MDGA2: variants seen among roughly 807,000 people sequenced by gnomAD.
The protein encoded by MDGA2 is MAM domain-containing glycosylphosphatidylinositol anchor protein 2.
Under a neutral mutation model 117.8 loss-of-function variants are expected in MDGA2, and 40 were observed. That is an observed-to-expected ratio of 0.34 (90% CI 0.26 to 0.44). MDGA2 has a LOEUF of 0.44. Among genes scored for constraint, MDGA2 ranks in the 20% least tolerant of loss-of-function variants. The pLI is 1.00. For missense variants in MDGA2, 1,123 were observed against 1,250.6 expected, an observed-to-expected ratio of 0.90 and a Z score of 1.54; for synonymous variants, 452 against 439.0, an observed-to-expected ratio of 1.03 and a Z score of -0.37.
intron 11 of MDGA2, among the ~76,000 whole-genome samples, chr14:46,878,704 T>C (rs972307088): frequency 2.8e-4 from 43 of 152,156 alleles, no homozygotes; most frequent in Non-Finnish European, 4.4e-4. Context: ...AAAATAACAA[T>C]TTAATTTTTT....
At chr14:46,946,576 C>T (rs1366582597) in intron 9 of MDGA2, among the ~76,000 whole-genome samples, 1 of 151,982 alleles carries the variant, frequency 6.6e-6, no homozygotes, top group Admixed American at 6.6e-5. Flanking sequence ...AATAAATGGA[C>T]TGATGTTTGC....
chr14:47,542,409 TG>T (rs1260798411), intron 1 of MDGA2, among the ~76,000 whole-genome samples: 2 of 152,254 alleles, frequency 1.3e-5, no homozygotes, highest in African/African-American at 4.8e-5. Flanking sequence ...TGAAAAGATT[TG>T]TATTTAGACA....
At chr14:47,054,101 A>C (rs999168377) in intron 7 of MDGA2, among the ~76,000 whole-genome samples, 1 of 151,878 alleles carries the variant, frequency 6.6e-6, no homozygotes, top group Non-Finnish European at 1.5e-5. Context: ...TGTGAGTACT[A>C]CCCAGCACCT....
intron 2 of MDGA2, among the ~76,000 whole-genome samples, chr14:47,277,773 G>A (rs1888352731): frequency 6.6e-6 from 1 of 152,142 alleles, no homozygotes; most frequent in African/African-American, 2.4e-5. Flanking sequence ...AGGCTAAATT[G>A]TTCATGCATT....
intron 4 of MDGA2, among the ~76,000 whole-genome samples, chr14:47,136,364 T>C (rs1882457176): frequency 6.6e-6 from 1 of 151,824 alleles, no homozygotes; most frequent in Non-Finnish European, 1.5e-5. Flanking sequence ...ACTGGGATAA[T>C]TTTTATATTT....
At chr14:47,461,060 T>G (rs945623867) in intron 1 of MDGA2, among the ~76,000 whole-genome samples, 3 of 152,192 alleles carry the variant, frequency 2.0e-5, no homozygotes, top group African/African-American at 7.2e-5. Context: ...GAATAAATTT[T>G]GTACAAGTGT....
chr14:47,449,106 C>T (rs372422590), intron 1 of MDGA2, among the ~76,000 whole-genome samples: 2 of 152,110 alleles, frequency 1.3e-5, no homozygotes, highest in Admixed American at 6.6e-5. Context: ...ACAGCCAGGA[C>T]TCATTAAACT....
At chr14:46,968,810 C>T (rs904043183) in intron 8 of MDGA2, among the ~76,000 whole-genome samples, 1 of 148,064 alleles carries the variant, frequency 6.8e-6, no homozygotes, top group Non-Finnish European at 1.5e-5. Context: ...GCACTCCAGC[C>T]TAGGAAACAG....
intron 1 of MDGA2, among the ~76,000 whole-genome samples, chr14:47,663,860 G>GT (rs1319523159): frequency 6.6e-6 from 1 of 152,038 alleles, no homozygotes. Context: ...ATAAACTGCT[G>GT]TTTTCCAATT....
At position 47,612,205 on chromosome 14, in the gene MDGA2, T is replaced by C. The variant is rs182215152; in HGVS notation, c.280+62312A>G. Among the ~76,000 whole-genome samples the C allele has an allele frequency of 2.9e-3, 338 of 117,462 alleles. 2 individuals carry two copies. Among genetic ancestry groups the C allele is most frequent in the African/African-American group, 9.1e-3 (291 of 32,050 alleles). 77.1% of individuals were successfully genotyped at this position (117,462 alleles called of 152,430 possible). A position where few individuals can be genotyped will look rare whatever the true frequency, so the allele number is the denominator to read the frequency against. On this transcript the variant is annotated intron_variant, in intron 1 of 16. Transcript: ENST00000399232. ...ATTTCAAATGTGATAGATAGATAGA[T>C]AGACAGATAGATAGATAGATAGATA...
intron 1 of MDGA2, among the ~76,000 whole-genome samples, chr14:47,434,096 G>T (rs1286311106): frequency 1.3e-5 from 2 of 151,734 alleles, no homozygotes; most frequent in Admixed American, 6.6e-5. Context: ...TAAGACTTTT[G>T]GTGACAAAAA....
intron 2 of MDGA2, among the ~76,000 whole-genome samples, chr14:47,243,159 A>T (rs1251706256): frequency 6.6e-6 from 1 of 151,210 alleles, no homozygotes; most frequent in Non-Finnish European, 1.5e-5. Flanking sequence ...GGGTTTGTAA[A>T]TGCACCAATC....
intron 10 of MDGA2, among the ~76,000 whole-genome samples, chr14:46,914,737 T>C (rs1228334061): frequency 1.3e-5 from 2 of 152,094 alleles, no homozygotes; most frequent in Non-Finnish European, 2.9e-5. Flanking sequence ...AGAATCGAAT[T>C]TGTTTTCAGA....
intron 8 of MDGA2, among the ~76,000 whole-genome samples, chr14:46,972,455 G>T (rs1595079714): frequency 6.6e-6 from 1 of 152,086 alleles, no homozygotes; most frequent in Admixed American, 6.6e-5. Flanking sequence ...CATTTTTTAG[G>T]TTAACTCAGT....
chr14:47,663,215 A>G (rs567656038), intron 1 of MDGA2, among the ~76,000 whole-genome samples: 18 of 152,354 alleles, frequency 1.2e-4, no homozygotes, highest in African/African-American at 3.4e-4. Context: ...TGGCAGTTGT[A>G]TCTCTCCATA....
intron 1 of MDGA2, among the ~76,000 whole-genome samples, chr14:47,400,844 C>T: frequency 0.023 from 1 of 44 alleles, no homozygotes; most frequent in Non-Finnish European, 0.042. Context: ...GCAAGCTCCG[C>T]CTCCCGGGGT....
chr14:46,947,066 T>C (rs1885195578), intron 9 of MDGA2, among the ~76,000 whole-genome samples: 2 of 152,150 alleles, frequency 1.3e-5, no homozygotes, highest in South Asian at 4.1e-4. Context: ...TTCCATTCTT[T>C]TCCCTCAGAT....
chr14:47,240,636 G>C (rs1468987135), intron 2 of MDGA2, among the ~76,000 whole-genome samples: 2 of 151,828 alleles, frequency 1.3e-5, no homozygotes, highest in African/African-American at 2.4e-5. Flanking sequence ...AGAAGTCTCA[G>C]AAATCATGGA....
chr14:47,460,102 T>C (rs1285365789), intron 1 of MDGA2, among the ~76,000 whole-genome samples: 2 of 152,306 alleles, frequency 1.3e-5, no homozygotes, highest in East Asian at 1.9e-4. Flanking sequence ...TGAAAGGTGA[T>C]ATCATTTTCT....
Sources: gnomAD v4.1 joint callset for allele counts (sites outside exome capture counted in the v4.1 genomes callset) on GRCh38, gnomAD v4.1.1 for gene constraint, MANE v1.5 for transcripts, NCBI Gene and HGNC (gene_info 2026-07-23, HGNC 2026-07-21) for gene names.